The following FBP1 variants were observed in gnomAD, a reference collection of about 807,000 sequenced individuals.
FBP1 encodes fructose-1,6-bisphosphatase 1.
FBP1 carries 22 observed loss-of-function variants against 29.9 expected under a neutral mutation model. That is an observed-to-expected ratio of 0.74 (90% CI 0.53 to 1.05). The LOEUF (loss-of-function observed/expected upper bound fraction) is 1.05. Ranked by LOEUF, FBP1 falls within the 50% of genes least tolerant of loss-of-function variation. FBP1 has a pLI of 0.00. For synonymous variants in FBP1, 175 were observed against 178.6 expected (o/e 0.98, Z 0.16); for missense variants, 345 against 448.2 (o/e 0.77, Z 2.08).
intron 2 of FBP1, 42 bp downstream of exon 2, chr9:94,620,287 C>T: frequency 5.6e-6 from 9 of 1,605,788 alleles, no homozygotes; most frequent in Non-Finnish European, 7.7e-6. Flanking sequence ...GGGAAGAAGA[C>T]CGGCTACATT....
At chr9:94,638,500 G>A (rs866640488) in intron 1 of FBP1, among the ~76,000 whole-genome samples, 1 of 152,276 alleles carries the variant, frequency 6.6e-6, no homozygotes. Flanking sequence ...AGCCCTGGGT[G>A]TTTCCTGTTT....
chr9:94,625,661 G>A lies in FBP1; in HGVS notation c.171-5170C>T, dbSNP rs538767656. 5.9e-5 allele frequency among the ~76,000 whole-genome samples: 9 copies of A among 152,370 alleles called. No individual in the cohort carries two copies. The East Asian group carries it at 1.7e-3, about 29-fold the overall frequency. On this transcript the variant is annotated intron_variant, in intron 1 of 6. Transcript: ENST00000375326. ...ATACAAAAAATTAGCCGGGGACGGT[G>A]GCAGGCGCCTGTGGTCCCAGCTACT...
chr9:94,634,638 G>A (rs996461783), intron 1 of FBP1, among the ~76,000 whole-genome samples: 1 of 152,238 alleles, frequency 6.6e-6, no homozygotes, highest in Admixed American at 6.5e-5. Context: ...AGACTGTTCT[G>A]ATCTGCACAG....
At chr9:94,613,411 C>A (rs1827813583) in intron 3 of FBP1, among the ~76,000 whole-genome samples, 1 of 152,200 alleles carries the variant, frequency 6.6e-6, no homozygotes, top group African/African-American at 2.4e-5. Flanking sequence ...AATATTTGGA[C>A]AAACCATGAT....
chr9:94,620,423 TC>T lies in FBP1; in HGVS notation c.238del (p.Asp80ThrfsTer4). The part of the protein sequence containing the change: ...QVKKLDVLSN[D>X]LVMNMLKSSF... The stretch of plus-strand genomic sequence containing the variant: ...TGACTTTAACATGTTCATAACCAGG[TC>T]GTTGGAGAGGACGTCCAGCTTCTTA... On this transcript the variant is annotated frameshift_variant, in exon 2 of 7. Coordinates refer to ENST00000375326, the MANE Select transcript of FBP1 (RefSeq NM_000507.4). LOFTEE classifies it high-confidence loss of function. The T allele has an allele frequency of 6.2e-7, 1 of 1,614,080 alleles. No homozygotes were observed. Among genetic ancestry groups the T allele is most frequent in the Non-Finnish European group, 8.5e-7 (1 of 1,180,006 alleles).
intron 3 of FBP1, among the ~76,000 whole-genome samples, chr9:94,610,817 T>C (rs1364221291): frequency 6.6e-6 from 1 of 152,088 alleles, no homozygotes; most frequent in African/African-American, 2.4e-5. Context: ...GGGAGCCCCT[T>C]AAGGAGACAG....
At chr9:94,621,272 T>C (rs10993265) in intron 1 of FBP1, among the ~76,000 whole-genome samples, 119,665 of 139,478 alleles carry the variant, frequency 0.86, 51,062 homozygotes, top group East Asian at 0.94. Flanking sequence ...GGCGGGCGCC[T>C]GTAGTCCCAG....
intron 1 of FBP1, among the ~76,000 whole-genome samples, chr9:94,621,761 C>A (rs1329652353): frequency 1.3e-5 from 2 of 152,068 alleles, no homozygotes; most frequent in Non-Finnish European, 2.9e-5. Context: ...CCCCCAAACA[C>A]ACGGGTTAAA....
At chr9:94,616,434 T>TATATATATATATGTGTATATATTACAC (rs59423081) in intron 3 of FBP1, among the ~76,000 whole-genome samples, 2 of 128,122 alleles carry the variant, frequency 1.6e-5, no homozygotes, top group Non-Finnish European at 3.0e-5. Flanking sequence ...CTGTTAAAAC[T>TATATATATATATGTGTATATATTACAC]ATATATATAT....
Position 94,626,360 on chromosome 9 carries a change from C to T in FBP1, c.171-5869G>A, listed in dbSNP as rs28369668. Among the ~76,000 whole-genome samples, 1,228 of 152,284 alleles carry T rather than the reference C, an allele frequency of 8.1e-3. 18 individuals carry two copies. Among genetic ancestry groups the T allele is most frequent in the African/African-American group, 0.028 (1,183 of 41,554 alleles). On this transcript the variant is annotated intron_variant, in intron 1 of 6. Transcript: ENST00000375326. ...AGTGGGTCAAGAGAATAAATTCCCC[C>T]GGCTGCCAGCCAACTATGCTGCCAT...
chr9:94,609,233 A>C (rs544237559), intron 4 of FBP1, among the ~76,000 whole-genome samples: 2 of 151,994 alleles, frequency 1.3e-5, no homozygotes, highest in South Asian at 4.1e-4. Flanking sequence ...CAGTTAACTG[A>C]AGGTTTGTGT....
At chr9:94,604,493 A>T (rs1201253056) in intron 6 of FBP1, among the ~76,000 whole-genome samples, 1 of 151,460 alleles carries the variant, frequency 6.6e-6, no homozygotes, top group Non-Finnish European at 1.5e-5. Flanking sequence ...CATTAAAAAA[A>T]AAAAAGGCAG....
chr9:94,627,528 T>A (rs1178771075), intron 1 of FBP1, among the ~76,000 whole-genome samples: 2 of 151,992 alleles, frequency 1.3e-5, no homozygotes, highest in Non-Finnish European at 2.9e-5. Flanking sequence ...CAGCTCCTGG[T>A]GAGACAGCCC....
intron 3 of FBP1, among the ~76,000 whole-genome samples, chr9:94,617,543 A>G (rs1225118846): frequency 6.6e-6 from 1 of 152,210 alleles, no homozygotes; most frequent in East Asian, 1.9e-4. Context: ...AGAGTGAAAT[A>G]TCCTTCTCTT....
upstream of FBP1, chr9:94,639,930 C>A: frequency 6.0e-6 from 1 of 167,338 alleles, no homozygotes; most frequent in Non-Finnish European, 1.3e-5. Flanking sequence ...CTCTGCAGCT[C>A]CTGCCCCGTG....
At chr9:94,631,018 A>G (rs529478389) in intron 1 of FBP1, among the ~76,000 whole-genome samples, 127 of 152,362 alleles carry the variant, frequency 8.3e-4, no homozygotes, top group African/African-American at 2.9e-3. Context: ...AGGACAGCCA[A>G]TAAGGAACTG....
At chr9:94,604,951 G>A (rs1827675228) in intron 6 of FBP1, among the ~76,000 whole-genome samples, 1 of 152,168 alleles carries the variant, frequency 6.6e-6, no homozygotes, top group South Asian at 2.1e-4. Context: ...TGAGTCGGTG[G>A]TGACGGCTCA....
At chr9:94,638,780 T>A (rs1828236194) in intron 1 of FBP1, among the ~76,000 whole-genome samples, 1 of 152,178 alleles carries the variant, frequency 6.6e-6, no homozygotes, top group African/African-American at 2.4e-5. Flanking sequence ...CACTTTCCTG[T>A]CTGAGGCTAG....
At chr9:94,615,582 C>A (rs990307144) in intron 3 of FBP1, among the ~76,000 whole-genome samples, 2 of 152,150 alleles carry the variant, frequency 1.3e-5, no homozygotes, top group Non-Finnish European at 2.9e-5. Flanking sequence ...TGTTCCTTGG[C>A]ATGACTTGGA....
Sources: gnomAD v4.1 joint callset for allele counts (sites outside exome capture counted in the v4.1 genomes callset) on GRCh38, gnomAD v4.1.1 for gene constraint, MANE v1.5 for transcripts, NCBI Gene and HGNC (gene_info 2026-07-23, HGNC 2026-07-21) for gene names.